Variants in ATXN7L1 observed in about 807,000 individuals in gnomAD.
ATXN7L1 encodes ataxin 7 like 1.
A neutral mutation model predicts 70.8 loss-of-function variants in ATXN7L1; 15 were observed. That is an observed-to-expected ratio of 0.21 (90% CI 0.14 to 0.33). The LOEUF (loss-of-function observed/expected upper bound fraction) is 0.33, where lower values mean the gene tolerates loss of function less well. Ranked by LOEUF, ATXN7L1 falls within the 10% of genes least tolerant of loss-of-function variation. The pLI is 1.00. For synonymous variants in ATXN7L1, 440 were observed against 445.1 expected (o/e 0.99, Z 0.14); for missense variants, 975 against 1,097.1 (o/e 0.89, Z 1.57).
chr7:105,675,756 A>G (rs1804543729), intron 3 of ATXN7L1, among the ~76,000 whole-genome samples: 1 of 152,364 alleles, frequency 6.6e-6, no homozygotes, highest in South Asian at 2.1e-4. Context: ...ATAAAAACAG[A>G]CAACAACAAA....
chr7:105,722,650 G>A (rs1192221125), intron 3 of ATXN7L1, among the ~76,000 whole-genome samples: 4 of 148,560 alleles, frequency 2.7e-5, no homozygotes, highest in Non-Finnish European at 5.9e-5. Context: ...AGGCTGAGGT[G>A]GGCGAATTGC....
At chr7:105,860,414 G>T (rs551243153) in intron 2 of ATXN7L1, among the ~76,000 whole-genome samples, 8 of 152,160 alleles carry the variant, frequency 5.3e-5, no homozygotes, top group Admixed American at 2.6e-4. Flanking sequence ...TAGGATGCTG[G>T]AGCTAATGTC....
chr7:105,831,534 G>T (rs1811597156), intron 2 of ATXN7L1, among the ~76,000 whole-genome samples: 1 of 152,162 alleles, frequency 6.6e-6, no homozygotes, highest in Non-Finnish European at 1.5e-5. Context: ...GATGCTTTTT[G>T]TTAAATATGG....
Position 105,696,013 on chromosome 7 carries a change from G to T in ATXN7L1, c.356-30725C>A, listed in dbSNP as rs569278200. 4.6e-5 allele frequency among the ~76,000 whole-genome samples: 7 copies of T among 152,284 alleles called. No homozygotes were observed. In the South Asian group the frequency reaches 1.5e-3, roughly 32 times the overall value. On this transcript the variant is annotated intron_variant, in intron 3 of 11. Coordinates refer to ENST00000419735, the MANE Select transcript of ATXN7L1 (RefSeq NM_020725.2). ...AGATATTGAATGTAGAATGCAGAGG[G>T]GAGCCTGTCAGGAGCTGATGGTTAG... is the stretch of plus-strand genomic sequence containing the variant.
intron 3 of ATXN7L1, among the ~76,000 whole-genome samples, chr7:105,785,730 C>T (rs1214287878): frequency 2.0e-5 from 3 of 152,150 alleles, no homozygotes; most frequent in African/African-American, 7.2e-5. Context: ...GTGGAGCCCC[C>T]ATGAAGGGGA....
chr7:105,626,492 T>C (rs961257332), intron 7 of ATXN7L1, among the ~76,000 whole-genome samples: 5 of 152,232 alleles, frequency 3.3e-5, no homozygotes, highest in Non-Finnish European at 7.3e-5. Context: ...GTGTTATGTA[T>C]ATTTTACTAT....
At chr7:105,823,206 C>G (rs1810403375) in intron 2 of ATXN7L1, among the ~76,000 whole-genome samples, 1 of 151,934 alleles carries the variant, frequency 6.6e-6, no homozygotes, top group Admixed American at 6.6e-5. Flanking sequence ...TCTAGAGTAG[C>G]AGAAGGTGTT....
At chr7:105,722,365 C>T (rs923514402) in intron 3 of ATXN7L1, among the ~76,000 whole-genome samples, 1 of 151,906 alleles carries the variant, frequency 6.6e-6, no homozygotes, top group Non-Finnish European at 1.5e-5. Flanking sequence ...AGTTCAAGAC[C>T]AGCCTGGCCA....
At chr7:105,751,815 T>C (rs1015774917) in intron 3 of ATXN7L1, among the ~76,000 whole-genome samples, 2 of 152,208 alleles carry the variant, frequency 1.3e-5, no homozygotes, top group African/African-American at 4.8e-5. Context: ...GGTGTCCCCC[T>C]GGGGATGTGG....
At position 105,852,567 on chromosome 7, in the gene ATXN7L1, G is replaced by A. The variant is rs1441895558; in HGVS notation, c.250+23245C>T. Among the ~76,000 whole-genome samples the A allele has an allele frequency of 2.6e-5, 4 of 152,070 alleles. No homozygotes were observed. In the East Asian group the frequency reaches 7.7e-4, roughly 29 times the overall value. On this transcript the variant is annotated intron_variant, in intron 2 of 11. Transcript: ENST00000419735. Reference sequence around the variant, plus strand: ...GCACAGTTTGGCAAGCAGAGTGCCAGCTTGATCTGACCCCTCGGCCAGCAA... The same window carrying A: ...GCACAGTTTGGCAAGCAGAGTGCCAACTTGATCTGACCCCTCGGCCAGCAA...
At chr7:105,742,929 C>T (rs528008098) in intron 3 of ATXN7L1, among the ~76,000 whole-genome samples, 6 of 152,216 alleles carry the variant, frequency 3.9e-5, no homozygotes, top group African/African-American at 9.6e-5. Flanking sequence ...TTCACCTCTC[C>T]CCCTCTCAAC....
At chr7:105,745,523 C>G (rs1798487111) in intron 3 of ATXN7L1, among the ~76,000 whole-genome samples, 1 of 152,212 alleles carries the variant, frequency 6.6e-6, no homozygotes, top group Admixed American at 6.5e-5. Context: ...TAATTTGAAA[C>G]TTCTGGGTGC....
chr7:105,812,043 T>C (rs999243432), intron 2 of ATXN7L1, among the ~76,000 whole-genome samples: 3 of 152,150 alleles, frequency 2.0e-5, no homozygotes, highest in African/African-American at 4.8e-5. Context: ...TCCCCTGCCT[T>C]GTGAATGCTT....
At chr7:105,822,444 G>A (rs1810300690) in intron 2 of ATXN7L1, among the ~76,000 whole-genome samples, 1 of 152,166 alleles carries the variant, frequency 6.6e-6, no homozygotes, top group South Asian at 2.1e-4. Context: ...GACTTTCACT[G>A]TTTCATTTGT....
At chr7:105,699,440 G>C (rs888028678) in intron 3 of ATXN7L1, among the ~76,000 whole-genome samples, 1 of 152,136 alleles carries the variant, frequency 6.6e-6, no homozygotes, top group Admixed American at 6.6e-5. Flanking sequence ...CCATTCCACT[G>C]TATTTTGATT....
chr7:105,686,517 AAAAC>A (rs527785550), intron 3 of ATXN7L1, among the ~76,000 whole-genome samples: 205 of 152,298 alleles, frequency 1.3e-3, no homozygotes, highest in African/African-American at 4.7e-3. Context: ...AGTCCATCTC[AAAAC>A]AAACAAACAA....
chr7:105,785,486 C>T (rs747377244), intron 3 of ATXN7L1, among the ~76,000 whole-genome samples: 5 of 151,708 alleles, frequency 3.3e-5, no homozygotes, highest in South Asian at 2.1e-4. Context: ...AAAGACAAAA[C>T]GAAACAAATA....
At chr7:105,806,754 A>C (rs894159471) in intron 2 of ATXN7L1, among the ~76,000 whole-genome samples, 4 of 152,144 alleles carry the variant, frequency 2.6e-5, no homozygotes, top group African/African-American at 7.2e-5. Context: ...GAGGTGAGTC[A>C]TGAGGAAGTG....
Position 105,804,916 on chromosome 7 carries a change from C to T in ATXN7L1, c.251-16208G>A, listed in dbSNP as rs113589031. 2.9e-3 allele frequency among the ~76,000 whole-genome samples: 436 copies of T among 152,170 alleles called. 4 individuals are homozygous for T. Among genetic ancestry groups the T allele is most frequent in the African/African-American group, 9.8e-3 (408 of 41,490 alleles). The stretch of plus-strand genomic sequence containing the variant: ...GGATGTTGTACCTTTTTAAAGAGGA[C>T]GGCAGCTGGGAGAAAGGGAGACAGG... On this transcript the variant is annotated intron_variant, in intron 2 of 11. Transcript: ENST00000419735.
Sources: allele counts gnomAD v4.1 joint callset (sites outside exome capture counted in the v4.1 genomes callset), GRCh38; gene constraint gnomAD v4.1.1; transcripts MANE v1.5; gene names NCBI Gene and HGNC (gene_info 2026-07-23, HGNC 2026-07-21).